The following LRBA variants were observed in gnomAD, a reference collection of about 807,000 sequenced individuals.
LRBA encodes the protein lipopolysaccharide-responsive and beige-like anchor protein.
Under a neutral mutation model 330.0 loss-of-function variants are expected in LRBA, and 176 were observed. That is an observed-to-expected ratio of 0.53 (90% CI 0.47 to 0.60). The LOEUF is 0.60. Among genes scored for constraint, LRBA ranks in the 20% least tolerant of loss-of-function variants. The pLI is 0.00. For missense variants in LRBA, 3,259 were observed against 3,444.8 expected, an observed-to-expected ratio of 0.95 and a Z score of 1.35; for synonymous variants, 1,230 against 1,193.0, an observed-to-expected ratio of 1.03 and a Z score of -0.64.
rs140666848 is a variant in LRBA, at chr4:150,870,530, T to C, written c.2444A>G (p.Asn815Ser). The C allele has an allele frequency of 2.3e-3, 3,668 of 1,563,408 alleles. 8 individuals are homozygous for C. Among genetic ancestry groups the C allele is most frequent in the Middle Eastern group, 4.5e-3 (27 of 5,964 alleles). ...AAAGTATATAAAATACATACGAGGGTTTTGTATCTTCACTGAAGAATCAGG... is the reference window on the plus strand; with the variant it reads ...AAAGTATATAAAATACATACGAGGGCTTTGTATCTTCACTGAAGAATCAGG... ...PDPDSSVKIQ[N>S]PQILKVIATL... is the part of the protein sequence containing the mutation. Residue 815 changes from asparagine (N) to serine (S), a missense_variant, in exon 20 of 57, where the codon AAC (asparagine) becomes AGC (serine). Coordinates refer to ENST00000651943, the MANE Select transcript of LRBA (RefSeq NM_001364905.1).
At chr4:150,872,296 C>T (rs74486497) in intron 18 of LRBA, among the ~76,000 whole-genome samples, 4,173 of 152,150 alleles carry the variant, frequency 0.027, 173 homozygotes, top group African/African-American at 0.096. Flanking sequence ...TTTTGAGTTA[C>T]GCATACAGCA....
At chr4:150,959,184 A>G (rs1271613542) in intron 2 of LRBA, among the ~76,000 whole-genome samples, 2 of 149,466 alleles carry the variant, frequency 1.3e-5, no homozygotes, top group Admixed American at 1.3e-4. Flanking sequence ...GCAAAGGAGG[A>G]GCAAAGACAC....
At chr4:150,956,604 T>C (rs1726057906) in intron 2 of LRBA, among the ~76,000 whole-genome samples, 1 of 148,914 alleles carries the variant, frequency 6.7e-6, no homozygotes, top group South Asian at 2.1e-4. Flanking sequence ...ATATATCTTA[T>C]GAATATGAAC....
chr4:150,933,778 G>C (rs996405177), intron 2 of LRBA, among the ~76,000 whole-genome samples: 1 of 151,980 alleles, frequency 6.6e-6, no homozygotes, highest in Admixed American at 6.6e-5. Flanking sequence ...TTGGGAAACC[G>C]AGAGAGCAGA....
chr4:150,865,417 T>C (rs556882175), intron 22 of LRBA, among the ~76,000 whole-genome samples: 2 of 152,198 alleles, frequency 1.3e-5, no homozygotes, highest in Admixed American at 1.3e-4. Flanking sequence ...GGAATGGTAG[T>C]GGATACATTC....
At chr4:150,535,054 ATG>A (rs1390344306) in intron 40 of LRBA, among the ~76,000 whole-genome samples, 1 of 152,178 alleles carries the variant, frequency 6.6e-6, no homozygotes, top group Non-Finnish European at 1.5e-5. Context: ...TTATATTTTA[ATG>A]TTTTTATATT....
chr4:150,947,294 T>A (rs1424421124), intron 2 of LRBA, among the ~76,000 whole-genome samples: 2 of 148,830 alleles, frequency 1.3e-5, no homozygotes, highest in African/African-American at 4.9e-5. Context: ...TAACAAAAAA[T>A]TAGCAAGTAG....
At chr4:150,446,066 A>G (rs1752581178) in intron 44 of LRBA, among the ~76,000 whole-genome samples, 1 of 152,174 alleles carries the variant, frequency 6.6e-6, no homozygotes, top group South Asian at 2.1e-4. Flanking sequence ...CAAGCACAGA[A>G]AGATAAATAT....
At chr4:150,294,714 G>A (rs1270352822) in intron 53 of LRBA, among the ~76,000 whole-genome samples, 1 of 152,198 alleles carries the variant, frequency 6.6e-6, no homozygotes, top group African/African-American at 2.4e-5. Flanking sequence ...CACTTTGGGA[G>A]GCCAAGGTGG....
chr4:150,587,102 G>A (rs535775210), intron 40 of LRBA, among the ~76,000 whole-genome samples: 6 of 152,212 alleles, frequency 3.9e-5, no homozygotes, highest in Non-Finnish European at 5.9e-5. Context: ...GAAACAAAGT[G>A]CTAGAAATAT....
At chr4:150,877,075 A>C (rs1754119855) in intron 17 of LRBA, among the ~76,000 whole-genome samples, 1 of 151,974 alleles carries the variant, frequency 6.6e-6, no homozygotes, top group Non-Finnish European at 1.5e-5. Flanking sequence ...AACACAGTGA[A>C]ACCCCGTCTT....
intron 46 of LRBA, among the ~76,000 whole-genome samples, chr4:150,429,300 G>C (rs1750056051): frequency 6.6e-6 from 1 of 152,032 alleles, no homozygotes; most frequent in Non-Finnish European, 1.5e-5. Flanking sequence ...TGCCTCAGGT[G>C]AAAGGAAAAG....
chr4:150,615,194 C>G (rs1775653837), intron 37 of LRBA, among the ~76,000 whole-genome samples: 2 of 152,128 alleles, frequency 1.3e-5, no homozygotes, highest in Non-Finnish European at 2.9e-5. Context: ...TAAAGAATAA[C>G]AGAGTTAAGT....
At chr4:150,929,713 G>A (rs750442347) in intron 2 of LRBA, among the ~76,000 whole-genome samples, 1 of 152,026 alleles carries the variant, frequency 6.6e-6, no homozygotes, top group Non-Finnish European at 1.5e-5. Context: ...GGGAAGGTTC[G>A]TAAATTTTAA....
intron 44 of LRBA, among the ~76,000 whole-genome samples, chr4:150,451,490 G>A (rs560743436): frequency 1.3e-5 from 2 of 152,196 alleles, no homozygotes; most frequent in African/African-American, 4.8e-5. Context: ...AGAGAAATTA[G>A]AAAACATTTA....
intron 40 of LRBA, among the ~76,000 whole-genome samples, chr4:150,585,887 CAG>C (rs1772053966): frequency 6.6e-6 from 1 of 152,128 alleles, no homozygotes. Flanking sequence ...GAAAGCCACT[CAG>C]GGGTCTGAAG....
intron 22 of LRBA, among the ~76,000 whole-genome samples, chr4:150,861,808 T>C (rs575808252): frequency 4.7e-4 from 72 of 152,264 alleles, no homozygotes; most frequent in African/African-American, 1.7e-3. Context: ...CACAAACACA[T>C]TGTACAGTTG....
chr4:150,930,129 A>G (rs972063283), intron 2 of LRBA, among the ~76,000 whole-genome samples: 3 of 152,042 alleles, frequency 2.0e-5, no homozygotes, highest in African/African-American at 7.2e-5. Flanking sequence ...AGCCTGGCCA[A>G]CACGGTGAAA....
intron 37 of LRBA, among the ~76,000 whole-genome samples, chr4:150,646,997 A>C (rs1475778847): frequency 1.3e-5 from 2 of 152,168 alleles, no homozygotes; most frequent in East Asian, 3.9e-4. Flanking sequence ...CATAGACAGT[A>C]GTGATTAACA....
Sources: allele counts gnomAD v4.1 joint callset (sites outside exome capture counted in the v4.1 genomes callset), GRCh38; gene constraint gnomAD v4.1.1; transcripts MANE v1.5; gene names NCBI Gene and HGNC (gene_info 2026-07-23, HGNC 2026-07-21).